The following BCKDHB variants were observed in gnomAD, a reference collection of about 807,000 sequenced individuals.
BCKDHB encodes the protein branched chain keto acid dehydrogenase E1 subunit beta, also known as 2-oxoisovalerate dehydrogenase subunit beta, mitochondrial.
A neutral mutation model predicts 48.5 loss-of-function variants in BCKDHB; 41 were observed. The observed-to-expected ratio is 0.85, with a 90% CI of 0.66 to 1.10. The LOEUF (loss-of-function observed/expected upper bound fraction) is 1.10, where lower values mean the gene tolerates loss of function less well. BCKDHB is among the 50% of genes least tolerant of loss of function. The pLI is 0.00. For missense variants in BCKDHB, 496 were observed against 494.2 expected, an observed-to-expected ratio of 1.00 and a Z score of -0.03; for synonymous variants, 201 against 174.8, an observed-to-expected ratio of 1.15 and a Z score of -1.18.
At chr6:80,234,046 A>G (rs978365685) in intron 8 of BCKDHB, among the ~76,000 whole-genome samples, 11 of 152,108 alleles carry the variant, frequency 7.2e-5, no homozygotes, top group African/African-American at 2.2e-4. Flanking sequence ...GATCCCTCGC[A>G]TGCACAGTTC....
intron 3 of BCKDHB, among the ~76,000 whole-genome samples, chr6:80,158,413 T>A (rs1772155873): frequency 6.6e-6 from 1 of 152,186 alleles, no homozygotes; most frequent in Non-Finnish European, 1.5e-5. Context: ...TTCTAAACAA[T>A]GCTTCTTGGA....
At chr6:80,257,340 T>TAC (rs36159873) in intron 8 of BCKDHB, among the ~76,000 whole-genome samples, 35 of 150,066 alleles carry the variant, frequency 2.3e-4, no homozygotes, top group Middle Eastern at 3.5e-3. Context: ...TATGTATCTA[T>TAC]ACACACACAC....
chr6:80,169,797 G>GT (rs775304939), intron 5 of BCKDHB: 8 of 1,598,788 alleles, frequency 5.0e-6, no homozygotes, highest in Non-Finnish European at 6.8e-6. Context: ...TTTCTTATTT[G>GT]TTTTTTCTAC....
chr6:80,278,018 A>G lies in BCKDHB; in HGVS notation c.1038+4797A>G, dbSNP rs757552380. 1.0e-3 allele frequency among the ~76,000 whole-genome samples: 157 copies of G among 152,186 alleles called. 1 individual carries two copies. Among genetic ancestry groups the G allele is most frequent in the Non-Finnish European group, 3.2e-4 (22 of 68,014 alleles). The stretch of plus-strand genomic sequence containing the variant: ...ATTTCCAAGCACTTTGTTTAAAGAT[A>G]TCAATCTGAAAAGAGGGGAAAAGAT... On this transcript the variant is annotated intron_variant, in intron 9 of 9. Transcript: ENST00000320393.
chr6:80,154,566 G>A (rs1383035816), intron 3 of BCKDHB, among the ~76,000 whole-genome samples: 1 of 151,846 alleles, frequency 6.6e-6, no homozygotes, highest in Non-Finnish European at 1.5e-5. Context: ...ATTTTTAGTA[G>A]TCTCTAATCT....
chr6:80,253,664 A>G (rs1412281499), intron 8 of BCKDHB, among the ~76,000 whole-genome samples: 1 of 152,194 alleles, frequency 6.6e-6, no homozygotes, highest in African/African-American at 2.4e-5. Context: ...CCATGCATAG[A>G]AATCATAAAT....
At chr6:80,245,266 ACC>A (rs1324681705) in intron 8 of BCKDHB, among the ~76,000 whole-genome samples, 3 of 152,144 alleles carry the variant, frequency 2.0e-5, no homozygotes, top group Non-Finnish European at 4.4e-5. Flanking sequence ...TTCTGATAAT[ACC>A]AATAACATGT....
chr6:80,218,455 A>G (rs1775271286), intron 8 of BCKDHB, among the ~76,000 whole-genome samples: 3 of 152,180 alleles, frequency 2.0e-5, no homozygotes, highest in South Asian at 2.1e-4. Flanking sequence ...ACGCACACGT[A>G]TGTGTGTGTT....
At chr6:80,279,272 G>A (rs1337808835) in intron 9 of BCKDHB, among the ~76,000 whole-genome samples, 1 of 151,960 alleles carries the variant, frequency 6.6e-6, no homozygotes, top group South Asian at 2.1e-4. Flanking sequence ...TCCTGCCTCA[G>A]CCTCCCAAGT....
the BCKDHB span, among the ~76,000 whole-genome samples, chr6:80,384,304 C>G: frequency 1.1e-4 from 17 of 152,100 alleles, no homozygotes; most frequent in Non-Finnish European, 5.9e-5. Flanking sequence ...TGGACGCTTT[C>G]TGCCCTTGAA....
the BCKDHB span, among the ~76,000 whole-genome samples, chr6:80,447,767 T>C: frequency 2.0e-5 from 3 of 152,156 alleles, no homozygotes; most frequent in African/African-American, 7.2e-5. Context: ...ATAGATGCCA[T>C]TTATTAAACA....
intron 9 of BCKDHB, among the ~76,000 whole-genome samples, chr6:80,314,155 G>A (rs1185759770): frequency 6.6e-6 from 1 of 152,172 alleles, no homozygotes; most frequent in African/African-American, 2.4e-5. Flanking sequence ...CATTTACTGA[G>A]GAGTGTTTTA....
At position 80,248,684 on chromosome 6, in the gene BCKDHB, A is replaced by G. The variant is rs142133942; in HGVS notation, c.952-24451A>G. ...GATGGACAATTGCTGTTAGCTTTGC[A>G]TGTGGGAAAGTTTAAGGTATCCAGT... On this transcript the variant is annotated intron_variant, in intron 8 of 9. Transcript: ENST00000320393. 2.1e-3 allele frequency among the ~76,000 whole-genome samples: 317 copies of G among 152,200 alleles called. 2 individuals are homozygous for G. The highest frequency in any genetic ancestry group is 4.0e-3 in the Non-Finnish European group (274 of 68,010).
intron 3 of BCKDHB, chr6:80,135,998 TCCTC>T (rs1181397085): frequency 6.6e-6 from 1 of 152,162 alleles, no homozygotes; most frequent in African/African-American, 2.4e-5. Context: ...TGTCAAAGTT[TCCTC>T]CCTTTTTAAG....
At chr6:80,182,363 A>G (rs186389372) in intron 6 of BCKDHB, among the ~76,000 whole-genome samples, 95 of 152,294 alleles carry the variant, frequency 6.2e-4, no homozygotes, top group Middle Eastern at 3.4e-3. Flanking sequence ...TTCTTATGCT[A>G]TGGTATATTT....
chr6:80,400,368 C>A, the BCKDHB span, among the ~76,000 whole-genome samples: 4 of 151,742 alleles, frequency 2.6e-5, no homozygotes, highest in Non-Finnish European at 5.9e-5. Context: ...CTTAAATTTA[C>A]AAAAAACACC....
chr6:80,194,459 T>A (rs978361138), intron 6 of BCKDHB, among the ~76,000 whole-genome samples: 2 of 152,202 alleles, frequency 1.3e-5, no homozygotes, highest in Non-Finnish European at 2.9e-5. Context: ...GTCCTTTCTT[T>A]GGACTGAGAT....
At chr6:80,354,940 G>A in the BCKDHB span, among the ~76,000 whole-genome samples, 3 of 152,142 alleles carry the variant, frequency 2.0e-5, no homozygotes, top group African/African-American at 7.2e-5. Flanking sequence ...GCAATGTGAT[G>A]CCTCCAGCTT....
At chr6:80,421,903 G>A in the BCKDHB span, among the ~76,000 whole-genome samples, 1 of 152,190 alleles carries the variant, frequency 6.6e-6, no homozygotes, top group Non-Finnish European at 1.5e-5. Context: ...TCTGCAGCGT[G>A]ACCATGAGGT....
Sources: gnomAD v4.1 joint callset for allele counts (sites outside exome capture counted in the v4.1 genomes callset) on GRCh38, gnomAD v4.1.1 for gene constraint, MANE v1.5 for transcripts, NCBI Gene and HGNC (gene_info 2026-07-23, HGNC 2026-07-21) for gene names.